CAST: variants seen among roughly 807,000 people sequenced by gnomAD.
The protein encoded by CAST is calpastatin.
In CAST, 76 loss-of-function variants were observed where a neutral mutation model predicts 119.6. The ratio of observed to expected loss-of-function variants is 0.64; its 90% confidence interval spans 0.53 to 0.77. The LOEUF (loss-of-function observed/expected upper bound fraction) is 0.77. CAST is among the 30% of genes least tolerant of loss of function. The pLI, the probability that CAST is intolerant of heterozygous loss-of-function variation, is 0.00. For missense variants in CAST, 953 were observed against 946.5 expected (o/e 1.01, Z -0.09); for synonymous variants, 319 against 331.6 (o/e 0.96, Z 0.41).
At chr5:96,415,530 C>T in the CAST span, among the ~76,000 whole-genome samples, 48,351 of 151,806 alleles carry the variant, frequency 0.32, 8,244 homozygotes, top group East Asian at 0.45. Context: ...ATGTGTTTCC[C>T]CATAAGGACA....
At chr5:96,356,037 C>T in the CAST span, among the ~76,000 whole-genome samples, 143 of 152,172 alleles carry the variant, frequency 9.4e-4, 1 homozygote, top group African/African-American at 3.3e-3. Flanking sequence ...TTCTAACTGG[C>T]ATGAGATGGT....
At chr5:96,444,025 A>G in the CAST span, among the ~76,000 whole-genome samples, 3 of 152,244 alleles carry the variant, frequency 2.0e-5, no homozygotes, top group African/African-American at 7.2e-5. Flanking sequence ...TCACAGCAAT[A>G]TAAGAAATGA....
At chr5:96,423,309 T>G in the CAST span, 29 of 1,605,948 alleles carry the variant, frequency 1.8e-5, no homozygotes, top group Non-Finnish European at 2.2e-5. Flanking sequence ...AGGCACACAC[T>G]TACATAGTTG....
chr5:96,584,132 G>A (rs139329090), intron 1 of CAST, among the ~76,000 whole-genome samples: 34 of 152,288 alleles, frequency 2.2e-4, no homozygotes, highest in African/African-American at 7.9e-4. Context: ...ACAAGGGGTG[G>A]GAGGAGATGG....
rs924265307 is a variant in CAST at position 96,542,166 on chromosome 5, C to T, written c.60+12286C>T. ...TCTACTAAAAATACAAAAAATTAGC[C>T]GGGCGAGGTGGCGGGTGCCTGTAGT... On this transcript the variant is annotated intron_variant, in intron 1 of 11. Coordinates refer to the CAST transcript ENST00000505143. Among the ~76,000 whole-genome samples the T allele has an allele frequency of 1.1e-4, 17 of 152,130 alleles. No individual in the cohort carries two copies. The South Asian group carries it at 2.7e-3, about 24-fold the overall frequency.
the CAST span, among the ~76,000 whole-genome samples, chr5:96,082,177 G>T: frequency 1.3e-5 from 2 of 152,176 alleles, no homozygotes; most frequent in Admixed American, 1.3e-4. Context: ...CTTCCAAAGT[G>T]CTGGGATTAC....
upstream of CAST, among the ~76,000 whole-genome samples, chr5:96,522,071 G>A (rs972015333): frequency 1.1e-4 from 16 of 151,948 alleles, no homozygotes; most frequent in African/African-American, 2.4e-4. Flanking sequence ...AGCCGAGCTC[G>A]TGCTACTGCA....
the CAST span, among the ~76,000 whole-genome samples, chr5:96,430,600 A>C: frequency 6.6e-6 from 1 of 152,212 alleles, no homozygotes; most frequent in Non-Finnish European, 1.5e-5. Flanking sequence ...TAAGGTACCC[A>C]ATATAGTAAT....
At chr5:96,049,749 C>A in the CAST span, among the ~76,000 whole-genome samples, 2 of 151,820 alleles carry the variant, frequency 1.3e-5, no homozygotes, top group Admixed American at 1.3e-4. Flanking sequence ...CTCTGTGAGT[C>A]TGTAGCTCAG....
At chr5:96,501,383 T>G in the CAST span, among the ~76,000 whole-genome samples, 1 of 152,276 alleles carries the variant, frequency 6.6e-6, no homozygotes, top group Admixed American at 6.5e-5. Context: ...CATAATCATC[T>G]CATACTAGTT....
intron 4 of CAST, among the ~76,000 whole-genome samples, chr5:96,725,712 G>T (rs1197179084): frequency 1.3e-5 from 2 of 152,102 alleles, no homozygotes; most frequent in African/African-American, 4.8e-5. Flanking sequence ...TGTAGTGTAG[G>T]TTCTCCCATG....
At chr5:96,545,003 TA>T (rs1236827029) in intron 1 of CAST, among the ~76,000 whole-genome samples, 1 of 152,176 alleles carries the variant, frequency 6.6e-6, no homozygotes, top group Non-Finnish European at 1.5e-5. Context: ...TTAAGATTAT[TA>T]ATGACAAACG....
chr5:96,303,466 T>G, the CAST span, among the ~76,000 whole-genome samples: 1 of 152,326 alleles, frequency 6.6e-6, no homozygotes, highest in South Asian at 2.1e-4. Flanking sequence ...TGCCATTTAT[T>G]TATTTATAGT....
intron 1 of CAST, among the ~76,000 whole-genome samples, chr5:96,559,937 C>T (rs1244877094): frequency 6.6e-6 from 1 of 152,190 alleles, no homozygotes; most frequent in African/African-American, 2.4e-5. Context: ...AGGCGTCACA[C>T]TACCTGCCTT....
chr5:96,390,503 A>T, the CAST span: 1 of 152,550 alleles, frequency 6.6e-6, no homozygotes, highest in African/African-American at 2.4e-5. Context: ...ATGTTGTATT[A>T]GGCTATTAGA....
chr5:96,036,933 C>T, the CAST span, among the ~76,000 whole-genome samples: 1 of 152,112 alleles, frequency 6.6e-6, no homozygotes, highest in African/African-American at 2.4e-5. Context: ...AAACTGTTCT[C>T]AATGATAGGG....
At chr5:96,524,113 T>G (rs1745561648), upstream of CAST, among the ~76,000 whole-genome samples, 1 of 152,200 alleles carries the variant, frequency 6.6e-6, no homozygotes, top group Admixed American at 6.5e-5. Context: ...TTGAATTTCT[T>G]GGGTCACACA....
the CAST span, among the ~76,000 whole-genome samples, chr5:96,095,098 G>T: frequency 6.6e-6 from 1 of 152,202 alleles, no homozygotes; most frequent in Non-Finnish European, 1.5e-5. Flanking sequence ...AGAAAAGGGT[G>T]AAATGGTTGG....
chr5:96,000,259 G>A, the CAST span, among the ~76,000 whole-genome samples: 2 of 151,904 alleles, frequency 1.3e-5, no homozygotes, highest in Non-Finnish European at 2.9e-5. Flanking sequence ...AAATTTTGAT[G>A]TCCAATTTAT....
Sources: allele counts gnomAD v4.1 joint callset (sites outside exome capture counted in the v4.1 genomes callset), GRCh38; gene constraint gnomAD v4.1.1; transcripts MANE v1.5; gene names NCBI Gene and HGNC (gene_info 2026-07-23, HGNC 2026-07-21).